Variants in NCAPG2 observed in about 807,000 individuals in gnomAD.
The protein encoded by NCAPG2 is non-SMC condensin II complex subunit G2, also known as condensin-2 complex subunit G2.
A neutral mutation model predicts 141.1 loss-of-function variants in NCAPG2; 53 were observed. That is an observed-to-expected ratio of 0.38 (90% confidence interval 0.30 to 0.47). The LOEUF is 0.47. NCAPG2 is among the 20% of genes least tolerant of loss of function. NCAPG2 has a pLI of 0.99. For missense variants in NCAPG2, 1,087 were observed against 1,389.0 expected, an observed-to-expected ratio of 0.78 and a Z score of 3.46; for synonymous variants, 499 against 490.7, an observed-to-expected ratio of 1.02 and a Z score of -0.22.
chr7:158,646,359 T>G (rs1003278723), intron 25 of NCAPG2, 101 bp downstream of exon 25: 6 of 755,000 alleles, frequency 7.9e-6, no homozygotes, highest in Non-Finnish European at 1.3e-5. Context: ...TAGAAAAGAA[T>G]GTAGCTTTGA....
intron 13 of NCAPG2, among the ~76,000 whole-genome samples, chr7:158,665,783 T>G (rs1349008793): frequency 1.3e-5 from 2 of 152,148 alleles, no homozygotes; most frequent in Non-Finnish European, 2.9e-5. Context: ...AAGTTGTTCT[T>G]GCCAAGGTCA....
At position 158,680,789 on chromosome 7, in the gene NCAPG2, T is replaced by G. The variant is rs573649736; in HGVS notation, c.952A>C (p.Lys318Gln). The G allele has an allele frequency of 2.5e-6, 4 of 1,605,586 alleles. No homozygotes were observed. The highest frequency in any genetic ancestry group is 3.4e-6 in the Non-Finnish European group (4 of 1,176,010). The change falls in exon 10 of 28, where the codon AAA (lysine) becomes CAA (glutamine). Residue 318 changes from lysine to glutamine, a missense_variant. Transcript: ENST00000356309. The part of the protein sequence containing the change: ...EVLSYFHHQK[K>Q]VRQGVEEMLY... ...ATCTCTTCCACTCCCTGCCGAACTT[T>G]CTTTTGATGGTGAAAGTAACTCAGA... is the stretch of plus-strand genomic sequence containing the variant.
intron 13 of NCAPG2, chr7:158,668,273 C>T: frequency 4.7e-6 from 4 of 856,644 alleles, no homozygotes; most frequent in Non-Finnish European, 5.4e-6. Flanking sequence ...CCTCTGCCCT[C>T]CTTACCTACC....
At chr7:158,690,540 T>A in intron 5 of NCAPG2, 28 bp downstream of exon 5, 1 of 1,602,494 alleles carries the variant, frequency 6.2e-7, no homozygotes, top group Non-Finnish European at 8.5e-7. Flanking sequence ...AGAGACCCTG[T>A]CTTTAAAAAA....
At chr7:158,677,548 A>C (rs34466098) in intron 11 of NCAPG2, among the ~76,000 whole-genome samples, 3 of 142,572 alleles carry the variant, frequency 2.1e-5, no homozygotes, top group East Asian at 2.1e-4. Context: ...AAAAAAAAAA[A>C]CAGAAAAGAA....
chr7:158,639,874 T>C (rs1830517787), intron 27 of NCAPG2: 1 of 975,298 alleles, frequency 1.0e-6, no homozygotes, highest in Admixed American at 6.2e-5. Flanking sequence ...GCAAACAGAA[T>C]TCAAAAATGC....
chr7:158,646,338 C>T, intron 25 of NCAPG2, 122 bp downstream of exon 25: 1 of 638,808 alleles, frequency 1.6e-6, no homozygotes. Context: ...TTATATGAAA[C>T]ATTTTTCTCA....
intron 2 of NCAPG2, among the ~76,000 whole-genome samples, chr7:158,693,769 G>A (rs1235389766): frequency 6.6e-6 from 1 of 152,070 alleles, no homozygotes; most frequent in Non-Finnish European, 1.5e-5. Context: ...TCCATACCTA[G>A]AATTAGATTA....
rs1369916326 is a variant in NCAPG2 at position 158,650,337 on chromosome 7, G to A, written c.3075+495C>T. On this transcript the variant is annotated intron_variant, in intron 24 of 27. Transcript: ENST00000356309. Reference sequence around the variant, plus strand: ...TGGGATTACAGGCATGAGCCACTGCGCCCAGTCTAAACTGACATTAGAAGG... The same window carrying A: ...TGGGATTACAGGCATGAGCCACTGCACCCAGTCTAAACTGACATTAGAAGG... Among the ~76,000 whole-genome samples, 7 of 152,242 alleles carry A rather than the reference G, an allele frequency of 4.6e-5. No individual in the cohort carries two copies. In the East Asian group the frequency reaches 1.2e-3, roughly 25 times the overall value.
intron 27 of NCAPG2, among the ~76,000 whole-genome samples, chr7:158,642,874 A>T (rs541840305): frequency 5.3e-5 from 8 of 152,204 alleles, no homozygotes; most frequent in Non-Finnish European, 4.4e-5. Flanking sequence ...ACCTCTAGCC[A>T]GGCTAACTAA....
intron 6 of NCAPG2, among the ~76,000 whole-genome samples, chr7:158,688,396 T>A (rs1267903415): frequency 1.3e-5 from 2 of 152,222 alleles, no homozygotes; most frequent in African/African-American, 4.8e-5. Flanking sequence ...TCTGCACACA[T>A]ATATAAGTTA....
At position 158,664,214 on chromosome 7, in the gene NCAPG2, T is replaced by C. The variant is rs915165195; in HGVS notation, c.1785A>G (p.Glu595=). The change falls in exon 15 of 28, where the codon GAA becomes GAG. Residue 595 remains glutamate (E), a synonymous_variant. Coordinates refer to ENST00000356309, the MANE Select transcript of NCAPG2 (RefSeq NM_017760.7). ...AVREPPEDEE[E]EDGREKENVT... The stretch of plus-strand genomic sequence containing the variant: ...CATTCTCCTTCTCCCTTCCGTCCTC[T>C]TCCTCCTCGTCCTCTGGAGGCTCTC... The C allele has an allele frequency of 6.2e-7, 1 of 1,613,198 alleles. No homozygotes were observed. The highest frequency in any genetic ancestry group is 1.7e-5 in the Admixed American group (1 of 60,032).
At chr7:158,667,145 C>G (rs1354780272) in intron 13 of NCAPG2, 3 of 985,272 alleles carry the variant, frequency 3.0e-6, no homozygotes, top group Non-Finnish European at 3.6e-6. Context: ...CCTTTCCAGA[C>G]ACCTCACAAC....
intron 13 of NCAPG2, among the ~76,000 whole-genome samples, chr7:158,670,275 C>T (rs1833601624): frequency 6.6e-6 from 1 of 152,090 alleles, no homozygotes; most frequent in Non-Finnish European, 1.5e-5. Flanking sequence ...TGACAAGATC[C>T]CCATCATTGG....
Position 158,652,375 on chromosome 7 carries a change from A to C in NCAPG2, c.2852T>G (p.Leu951Trp). The C allele has an allele frequency of 6.2e-7, 1 of 1,614,000 alleles. No homozygotes were observed. The highest frequency in any genetic ancestry group is 2.2e-5 in the East Asian group (1 of 44,882). ...TDSDEEVAML[L>W]DTVQKVFQKM... Reference sequence around the variant, plus strand: ...CTGAAATACTTTCTGGACTGTGTCCAACAGCATTGCAACTTCTTCATCTGA... The same window carrying C: ...CTGAAATACTTTCTGGACTGTGTCCCACAGCATTGCAACTTCTTCATCTGA... The change falls in exon 23 of 28, where the codon TTG (leucine) becomes TGG (tryptophan). Residue 951 changes from leucine (L) to tryptophan (W), a missense_variant. Transcript: ENST00000356309.
chr7:158,641,694 A>G, intron 27 of NCAPG2: 4 of 460,344 alleles, frequency 8.7e-6, no homozygotes, highest in Non-Finnish European at 1.5e-5. Flanking sequence ...AAAGAAGAGC[A>G]TTACATAATG....
chr7:158,646,660 T>C (rs1348187545), intron 24 of NCAPG2, 97 bp from the exon 25 acceptor site: 3 of 703,186 alleles, frequency 4.3e-6, no homozygotes, highest in Non-Finnish European at 4.7e-6. Context: ...TAAGAAAAAC[T>C]TTCTAGAAAT....
chr7:158,695,161 G>T (rs1338544689), intron 2 of NCAPG2, among the ~76,000 whole-genome samples: 1 of 152,158 alleles, frequency 6.6e-6, no homozygotes, highest in Admixed American at 6.5e-5. Flanking sequence ...TGTGTTCAAA[G>T]ATCAAGAGGT....
Position 158,660,401 on chromosome 7 carries a change from C to CTTTTTTTTTTTT in NCAPG2, c.1989+1781_1989+1792dup, listed in dbSNP as rs945928092. On this transcript the variant is annotated intron_variant, in intron 16 of 27. Transcript: ENST00000356309. The stretch of plus-strand genomic sequence containing the variant: ...AGTCCCAGGTCATTATTTCAGCTTT[C>CTTTTTTTTTTTT]TTTTTTTTTTTTTTTTTTTTTTTTT... Among the ~76,000 whole-genome samples the CTTTTTTTTTTTT allele has an allele frequency of 8.4e-4, 61 of 72,814 alleles. 1 individual carries two copies. Among genetic ancestry groups the CTTTTTTTTTTTT allele is most frequent in the East Asian group, 3.3e-3 (5 of 1,524 alleles). The allele number at this position is 72,814 out of a possible 152,430, so 47.8% of individuals were successfully genotyped here. A position where few individuals can be genotyped will look rare whatever the true frequency, so the allele number is the denominator to read the frequency against.
Sources: allele counts gnomAD v4.1 joint callset (sites outside exome capture counted in the v4.1 genomes callset), GRCh38; gene constraint gnomAD v4.1.1; transcripts MANE v1.5; gene names NCBI Gene and HGNC (gene_info 2026-07-23, HGNC 2026-07-21).